Variants in SLC44A4 observed in about 807,000 individuals in gnomAD.
The protein encoded by SLC44A4 is choline transporter-like protein 4.
Under a neutral mutation model 97.0 loss-of-function variants are expected in SLC44A4, and 74 were observed. The observed-to-expected ratio is 0.76, with a 90% CI of 0.63 to 0.93. The LOEUF is 0.93. Among genes scored for constraint, SLC44A4 ranks in the 40% least tolerant of loss-of-function variants. SLC44A4 has a pLI of 0.00. For missense variants in SLC44A4, 799 were observed against 902.9 expected (o/e 0.88, Z 1.48); for synonymous variants, 325 against 363.8 (o/e 0.89, Z 1.21).
chr6:31,870,356 C>T (rs1284066892), intron 11 of SLC44A4, among the ~76,000 whole-genome samples: 1 of 152,128 alleles, frequency 6.6e-6, no homozygotes, highest in Non-Finnish European at 1.5e-5. Flanking sequence ...CCCACCAACC[C>T]CTCTAGAAGG....
chr6:31,871,480 C>T lies in SLC44A4; in HGVS notation c.611G>A (p.Gly204Glu). 1.9e-6 allele frequency: 3 copies of T among 1,613,912 alleles called. No homozygotes were observed. Among genetic ancestry groups the T allele is most frequent in the Non-Finnish European group, 2.5e-6 (3 of 1,179,912 alleles). ...GGGGGAGGGAGGTGCCTACCTGATC[C>T]CCTGCTGTATGGTGGTGTCATTGGT... ...GITNDTTIQQ[G>E]ISGLIDSLNA... The change falls in exon 8 of 21, where the codon GGG (glycine) becomes GAG (glutamate). Residue 204 changes from glycine (G) to glutamate (E), a missense_variant. Physicochemically the swap from Gly to Glu is moderately conservative, Grantham distance 98. Transcript: ENST00000229729.
chr6:31,875,080 A>T, intron 4 of SLC44A4, 52 bp from the exon 5 acceptor site: 3 of 1,417,138 alleles, frequency 2.1e-6, no homozygotes, highest in African/African-American at 1.4e-5. Context: ...GTGTTGGGGG[A>T]GGGGAGGGAC....
At position 31,865,461 on chromosome 6, in the gene SLC44A4, G is replaced by A; in HGVS notation, c.1686+37C>T. ...CAGGATGGGGGTGTCTAGACCAAAG[G>A]GCACCAGAACAAAGGGTTGCTTGCA... On this transcript the variant is annotated intron_variant, in intron 16 of 20. Coordinates refer to ENST00000229729, the MANE Select transcript of SLC44A4 (RefSeq NM_025257.3). The surrounding 1 kb of genome is among the most constrained non-coding windows in gnomAD (Gnocchi z 5.2). 6.2e-7 allele frequency: 1 copy of A among 1,612,434 alleles called. No homozygotes were observed. Among genetic ancestry groups the A allele is most frequent in the Non-Finnish European group, 8.5e-7 (1 of 1,178,466 alleles).
rs780792371 is a variant in SLC44A4, at chr6:31,863,629, ACTT to A, written c.2128_2130del (p.Lys710del). The A allele has an allele frequency of 3.1e-6, 5 of 1,610,368 alleles. No individual in the cohort carries two copies. Among genetic ancestry groups the A allele is most frequent in the Non-Finnish European group, 4.2e-6 (5 of 1,179,062 alleles). Reference sequence around the variant, plus strand: ...GTCCTGGATCAGGGCCGGAGCTGTCACTTCTTCCTCTTCTTGTTGTCCGGGGGC... The same window carrying A: ...GTCCTGGATCAGGGCCGGAGCTGTCACTTCCTCTTCTTGTTGTCCGGGGGC... On this transcript the variant is annotated inframe_deletion, in exon 21 of 21. Coordinates refer to ENST00000229729, the MANE Select transcript of SLC44A4 (RefSeq NM_025257.3).
Position 31,877,707 on chromosome 6 carries a change from C to G in SLC44A4, c.41-625G>C. 2 of 845,890 alleles carry G rather than the reference C, an allele frequency of 2.4e-6. No homozygotes were observed. The highest frequency in any genetic ancestry group is 2.8e-6 in the Non-Finnish European group (2 of 702,536). 52.4% of individuals were successfully genotyped at this position (845,890 alleles called of 1,614,324 possible). ...CAGTGTGCTCCGGGCTCTGGGCCAG[C>G]AGTCAGAGTGACACCTGAGCCCAGC... On this transcript the variant is annotated intron_variant, in intron 1 of 20. Transcript: ENST00000229729. The surrounding 1 kb of genome is among the most constrained non-coding windows in gnomAD (Gnocchi z 6.5).
In SLC44A4 at chr6:31,865,742, G is replaced by A. The variant is rs1297191311; in HGVS notation, c.1530C>T (p.Thr510=). The stretch of plus-strand genomic sequence containing the variant: ...AGATGACCCGGGCTATCTGCACAAG[G>A]GTCAGGATGAGGGCTCCAAATGCCA... The part of the protein sequence containing the change: ...GSLAFGALIL[T]LVQIARVILE... The change falls in exon 15 of 21, where the codon ACC becomes ACT. Residue 510 remains threonine (T), a synonymous_variant. Coordinates refer to ENST00000229729, the MANE Select transcript of SLC44A4 (RefSeq NM_025257.3). The surrounding 1 kb of genome is among the most constrained non-coding windows in gnomAD (Gnocchi z 5.2). 2 of 1,613,592 alleles carry A rather than the reference G, an allele frequency of 1.2e-6. No homozygotes were observed. Among genetic ancestry groups the A allele is most frequent in the African/African-American group, 2.7e-5 (2 of 74,930 alleles).
chr6:31,865,495 C>T lies in SLC44A4; in HGVS notation c.1686+3G>A. 6.2e-7 allele frequency: 1 copy of T among 1,610,882 alleles called. No individual in the cohort carries two copies. Among genetic ancestry groups the T allele is most frequent in the Non-Finnish European group, 8.5e-7 (1 of 1,177,404 alleles). ...ACAAAGGGTTGCTTGCAGTGTAGCT[C>T]ACCATGATGTATGCATTGCGGTTTA... is the stretch of plus-strand genomic sequence containing the variant. On this transcript the variant is annotated splice_donor_region_variant and intron_variant, in intron 16 of 20. Transcript: ENST00000229729. This position sits in a 1 kb window ranked among gnomAD's most constrained non-coding sequence, Gnocchi z 5.2.
chr6:31,877,153 G>GC lies in SLC44A4; in HGVS notation c.41-72dup. On this transcript the variant is annotated intron_variant, in intron 1 of 20. Transcript: ENST00000229729. This position sits in a 1 kb window ranked among gnomAD's most constrained non-coding sequence, Gnocchi z 6.5. Reference sequence around the variant, plus strand: ...TATCTTGTCCTGCTGAGTCCTCCTAGCCCCAGGATCCTACCCAGGCCTCAG... The same window carrying GC: ...TATCTTGTCCTGCTGAGTCCTCCTAGCCCCCAGGATCCTACCCAGGCCTCAG... The GC allele has an allele frequency of 6.7e-7, 1 of 1,500,750 alleles. No individual in the cohort carries two copies. The allele number at this position is 1,500,750 out of a possible 1,614,324, so 93.0% of individuals were successfully genotyped here.
At position 31,863,400 on chromosome 6, in the gene SLC44A4, A is replaced by C; in HGVS notation, c.*227T>G. The stretch of plus-strand genomic sequence containing the variant: ...GCCACCACTCTCGGCTAATTTTTGT[A>C]TTTTTAATAGAGACGGAGGTTTCAC... On this transcript the variant is annotated 3_prime_UTR_variant, in exon 21 of 21. Transcript: ENST00000229729. The C allele has an allele frequency of 2.1e-6, 1 of 467,558 alleles. No individual in the cohort carries two copies. Among genetic ancestry groups the C allele is most frequent in the Non-Finnish European group, 3.6e-6 (1 of 278,704 alleles). 29.0% of individuals were successfully genotyped at this position (467,558 alleles called of 1,614,324 possible).
rs1762652111 is a variant in SLC44A4, at chr6:31,863,380, C to T, written c.*247G>A. 1 of 405,566 alleles carries T rather than the reference C, an allele frequency of 2.5e-6. No individual in the cohort carries two copies. The highest frequency in any genetic ancestry group is 2.1e-5 in the African/African-American group (1 of 46,944). The allele number at this position is 405,566 out of a possible 1,614,324, so 25.1% of individuals were successfully genotyped here. ...AGCTGGGATGACAGGTGCATGCCAC[C>T]ACTCTCGGCTAATTTTTGTATTTTT... On this transcript the variant is annotated 3_prime_UTR_variant, in exon 21 of 21. Transcript: ENST00000229729.
Position 31,878,972 on chromosome 6 carries a change from T to TC in SLC44A4, c.8dup (p.Gln5AlafsTer6). The TC allele has an allele frequency of 6.2e-7, 1 of 1,613,314 alleles. No homozygotes were observed. On this transcript the variant is annotated frameshift_variant, in exon 1 of 21. Transcript: ENST00000229729. LOFTEE classifies it high-confidence loss of function. This position sits in a 1 kb window ranked among gnomAD's most constrained non-coding sequence, Gnocchi z 4.0. ...CCTCGTCATCCTCGTCCCGCTGCTT[T>TC]CCCCCCATGGCTCAGTCTCCGGAGT...
In SLC44A4 at chr6:31,874,899, C is replaced by A; in HGVS notation, c.342+30G>T. 6.2e-7 allele frequency: 1 copy of A among 1,613,714 alleles called. No individual in the cohort carries two copies. The highest frequency in any genetic ancestry group is 1.3e-5 in the African/African-American group (1 of 74,982). On this transcript the variant is annotated intron_variant, in intron 5 of 20. Coordinates refer to ENST00000229729, the MANE Select transcript of SLC44A4 (RefSeq NM_025257.3). The surrounding 1 kb of genome is among the most constrained non-coding windows in gnomAD (Gnocchi z 4.8). ...TGGAACCTGAGACCCTGGGTGAGAT[C>A]TGGGGTAGAGGCAGGTCCCAGGCTC...
Position 31,878,720 on chromosome 6 carries a change from T to C in SLC44A4, c.40+221A>G, listed in dbSNP as rs1430795900. Among the ~76,000 whole-genome samples the C allele has an allele frequency of 6.6e-6, 1 of 151,610 alleles. No individual in the cohort carries two copies. The highest frequency in any genetic ancestry group is 1.5e-5 in the Non-Finnish European group (1 of 67,864). ...CCCAACTCTTCAGAGGCACCCAGCT[T>C]CACTCCCCATGGGCTCCCCAGCAAC... On this transcript the variant is annotated intron_variant, in intron 1 of 20. Coordinates refer to ENST00000229729, the MANE Select transcript of SLC44A4 (RefSeq NM_025257.3). The surrounding 1 kb of genome is among the most constrained non-coding windows in gnomAD (Gnocchi z 4.0).
At chr6:31,875,452 T>A (rs989799912) in intron 4 of SLC44A4, among the ~76,000 whole-genome samples, 2 of 152,196 alleles carry the variant, frequency 1.3e-5, no homozygotes, top group Admixed American at 1.3e-4. Context: ...TTATTGGACA[T>A]CTGTATGTGA....
rs754968874 is a variant in SLC44A4 at position 31,864,667 on chromosome 6, G to T, written c.1996C>A (p.Leu666Ile). Residue 666 changes from leucine to isoleucine, a missense_variant, in exon 20 of 21, where the codon CTC becomes ATC. By Grantham distance (5) the Leu-to-Ile change is conservative (BLOSUM62 2). Coordinates refer to ENST00000229729, the MANE Select transcript of SLC44A4 (RefSeq NM_025257.3). ...FSVFGMCVDT[L>I]FLCFLEDLER... is the part of the protein sequence containing the mutation. Reference sequence around the variant, plus strand: ...TGTCACTCACGGAAGCAGAGGAAGAGCGTGTCCACACACATGCCGAAAACG... The same window carrying T: ...TGTCACTCACGGAAGCAGAGGAAGATCGTGTCCACACACATGCCGAAAACG... The T allele has an allele frequency of 6.2e-7, 1 of 1,614,064 alleles. No individual in the cohort carries two copies. Among genetic ancestry groups the T allele is most frequent in the African/African-American group, 1.3e-5 (1 of 75,016 alleles).
intron 13 of SLC44A4, among the ~76,000 whole-genome samples, chr6:31,866,817 C>G (rs1014214795): frequency 2.6e-5 from 4 of 151,638 alleles, no homozygotes; most frequent in Non-Finnish European, 5.9e-5. Flanking sequence ...TTGCTTGAAC[C>G]CAGGAGGCAG....
At chr6:31,872,939 A>G (rs1479582140) in intron 7 of SLC44A4, among the ~76,000 whole-genome samples, 5 of 151,546 alleles carry the variant, frequency 3.3e-5, no homozygotes, top group Admixed American at 6.6e-5. Context: ...GTGCAGTGGC[A>G]CCATCTCGGC....
chr6:31,876,043 G>T lies in SLC44A4; in HGVS notation c.163+13C>A. The T allele has an allele frequency of 6.2e-7, 1 of 1,613,996 alleles. No homozygotes were observed. Among genetic ancestry groups the T allele is most frequent in the South Asian group, 1.1e-5 (1 of 91,086 alleles). On this transcript the variant is annotated intron_variant, in intron 3 of 20. Coordinates refer to ENST00000229729, the MANE Select transcript of SLC44A4 (RefSeq NM_025257.3). This position sits in a 1 kb window ranked among gnomAD's most constrained non-coding sequence, Gnocchi z 4.8. The stretch of plus-strand genomic sequence containing the variant: ...TCACCCACTGCCCTGGCTCTGAGCA[G>T]CTGGAAACTCACCCACAATCCCCAC...
At chr6:31,872,234 T>G (rs1763214812) in intron 7 of SLC44A4, among the ~76,000 whole-genome samples, 4 of 152,102 alleles carry the variant, frequency 2.6e-5, no homozygotes, top group Admixed American at 1.3e-4. Context: ...ATCTATTTAT[T>G]TATTTATTTT....
Sources: allele counts gnomAD v4.1 joint callset (sites outside exome capture counted in the v4.1 genomes callset), GRCh38; gene constraint gnomAD v4.1.1; non-coding constraint Gnocchi (gnomAD v3.1); transcripts MANE v1.5; gene names NCBI Gene and HGNC (gene_info 2026-07-23, HGNC 2026-07-21).